Variants in GPC1 observed in about 807,000 individuals in gnomAD.
GPC1 encodes the protein glypican-1.
In GPC1, 26 loss-of-function variants were observed where a neutral mutation model predicts 51.5. That is an observed-to-expected ratio of 0.50 (90% confidence interval 0.37 to 0.70). The LOEUF is 0.70. Ranked by LOEUF, GPC1 falls within the 30% of genes least tolerant of loss-of-function variation. The pLI, the probability that GPC1 is intolerant of heterozygous loss-of-function variation, is 0.00. For synonymous variants in GPC1, 380 were observed against 348.3 expected, an observed-to-expected ratio of 1.09 and a Z score of -1.01; for missense variants, 775 against 800.5, an observed-to-expected ratio of 0.97 and a Z score of 0.38.
At chr2:240,455,911 C>A in intron 1 of GPC1, 1 of 324,492 alleles carries the variant, frequency 3.1e-6, no homozygotes, top group Admixed American at 4.4e-5. Context: ...GTCCAGCCTG[C>A]AGCGGGCCTC....
At chr2:240,450,807 G>A (rs530507882) in intron 1 of GPC1, 15 of 469,352 alleles carry the variant, frequency 3.2e-5, no homozygotes, top group Admixed American at 1.7e-4. Flanking sequence ...TACCAGGGCC[G>A]GCCTGGGTGC....
At chr2:240,465,684 A>G in intron 8 of GPC1, 36 bp downstream of exon 8, 1 of 1,593,400 alleles carries the variant, frequency 6.3e-7, no homozygotes, top group Non-Finnish European at 8.6e-7. Flanking sequence ...CCAAGGGGCC[A>G]GGGTTGGTGG....
chr2:240,450,854 C>T (rs552215340), intron 1 of GPC1: 1 of 452,568 alleles, frequency 2.2e-6, no homozygotes, highest in Non-Finnish European at 4.6e-6. Context: ...TGGAGGCTCC[C>T]CTGGCAGAGG....
intron 1 of GPC1, chr2:240,457,484 C>T (rs1421222141): frequency 4.3e-6 from 2 of 470,192 alleles, no homozygotes; most frequent in Non-Finnish European, 8.8e-6. Context: ...TTACCTAGTC[C>T]TGGGTCCCCA....
At chr2:240,454,423 A>G (rs1441109251) in intron 1 of GPC1, among the ~76,000 whole-genome samples, 3 of 152,166 alleles carry the variant, frequency 2.0e-5, no homozygotes, top group Non-Finnish European at 4.4e-5. Context: ...GTCCGAGAGC[A>G]GATGGGCCAG....
At chr2:240,465,804 C>G (rs149398903) in intron 8 of GPC1, among the ~76,000 whole-genome samples, 156 bp downstream of exon 8, 1 of 152,064 alleles carries the variant, frequency 6.6e-6, no homozygotes, top group African/African-American at 2.4e-5. Context: ...GCACGATCAC[C>G]GAGCCCTGCA....
In GPC1 at chr2:240,467,933, G is replaced by T. The variant is rs1015825765; in HGVS notation, c.*1643G>T. The T allele has an allele frequency of 6.6e-6, 1 of 152,306 alleles. No individual in the cohort carries two copies. Among genetic ancestry groups the T allele is most frequent in the Admixed American group, 6.5e-5 (1 of 15,292 alleles). 9.4% of individuals were successfully genotyped at this position (152,306 alleles called of 1,614,324 possible). On this transcript the variant is annotated 3_prime_UTR_variant, in exon 9 of 9. Transcript: ENST00000264039. ...AGACCCCACCCTACGCTCATCTCTG[G>T]AAGGGGCAGCCCTGAGTGGTCACTG...
intron 1 of GPC1, among the ~76,000 whole-genome samples, chr2:240,446,573 C>G (rs1300112791): frequency 6.6e-6 from 1 of 152,186 alleles, no homozygotes; most frequent in East Asian, 1.9e-4. Flanking sequence ...AAGACCACTC[C>G]CTGGCTGGGG....
At chr2:240,443,880 G>A (rs1270272228) in intron 1 of GPC1, among the ~76,000 whole-genome samples, 1 of 152,228 alleles carries the variant, frequency 6.6e-6, no homozygotes, top group East Asian at 1.9e-4. Context: ...CCCAGAGAGG[G>A]GTTCCCAGGG....
chr2:240,453,106 AC>A (rs1384414246), intron 1 of GPC1: 2 of 281,008 alleles, frequency 7.1e-6, no homozygotes, highest in South Asian at 2.6e-5. Context: ...CAGGCGCGCC[AC>A]CCCCATCTCC....
At chr2:240,463,019 A>G (rs75559432) in intron 3 of GPC1, among the ~76,000 whole-genome samples, 29,663 of 152,170 alleles carry the variant, frequency 0.19, 3,039 homozygotes, top group Non-Finnish European at 0.22. Flanking sequence ...AAGCTGGGAC[A>G]TAGGGAGGGC....
chr2:240,463,016 G>C (rs1327644164), intron 3 of GPC1, among the ~76,000 whole-genome samples: 1 of 152,196 alleles, frequency 6.6e-6, no homozygotes, highest in Non-Finnish European at 1.5e-5. Flanking sequence ...GCTAAGCTGG[G>C]ACATAGGGAG....
intron 1 of GPC1, among the ~76,000 whole-genome samples, chr2:240,439,736 C>A (rs1417143013): frequency 4.6e-5 from 7 of 152,208 alleles, no homozygotes; most frequent in African/African-American, 1.7e-4. Context: ...CGGAGGCTGC[C>A]TGGCACACAG....
chr2:240,460,186 C>T (rs1360394483), intron 2 of GPC1, among the ~76,000 whole-genome samples: 1 of 152,124 alleles, frequency 6.6e-6, no homozygotes, highest in Non-Finnish European at 1.5e-5. Flanking sequence ...TGGCGTACAC[C>T]TGGGTAGCAG....
intron 1 of GPC1, among the ~76,000 whole-genome samples, chr2:240,447,235 A>G (rs546497596): frequency 6.6e-6 from 1 of 152,004 alleles, no homozygotes; most frequent in African/African-American, 2.4e-5. Flanking sequence ...GATGACCCCC[A>G]TGTTCGTTCC....
chr2:240,444,442 C>T (rs1458854752), intron 1 of GPC1, among the ~76,000 whole-genome samples: 1 of 152,194 alleles, frequency 6.6e-6, no homozygotes, highest in Admixed American at 6.5e-5. Context: ...CCCGCTGGTC[C>T]ATCCTGGGGT....
At chr2:240,455,398 G>A (rs1026447435) in intron 1 of GPC1, among the ~76,000 whole-genome samples, 1 of 152,156 alleles carries the variant, frequency 6.6e-6, no homozygotes, top group East Asian at 1.9e-4. Context: ...CAGGCCCGGT[G>A]ACCTTGACCT....
chr2:240,446,567 C>A (rs534762208), intron 1 of GPC1, among the ~76,000 whole-genome samples: 1 of 152,328 alleles, frequency 6.6e-6, no homozygotes, highest in South Asian at 2.1e-4. Flanking sequence ...ACCCTAAAGA[C>A]CACTCCCTGG....
chr2:240,464,415 ACGTG>A, intron 4 of GPC1, 197 bp from the exon 5 acceptor site: 1 of 610,996 alleles, frequency 1.6e-6, no homozygotes, highest in Non-Finnish European at 2.9e-6. Flanking sequence ...ACAGGTGCAC[ACGTG>A]GGTGTGGGCC....
Sources: allele counts gnomAD v4.1 joint callset (sites outside exome capture counted in the v4.1 genomes callset), GRCh38; gene constraint gnomAD v4.1.1; transcripts MANE v1.5; gene names NCBI Gene and HGNC (gene_info 2026-07-23, HGNC 2026-07-21).